The following MSRB3 variants were observed in gnomAD, a reference collection of about 807,000 sequenced individuals.
MSRB3 encodes the protein methionine-R-sulfoxide reductase B3.
MSRB3 carries 13 observed loss-of-function variants against 21.0 expected under a neutral mutation model. The ratio of observed to expected loss-of-function variants is 0.62; its 90% CI spans 0.40 to 0.98. The LOEUF (loss-of-function observed/expected upper bound fraction) is 0.98, where lower values mean the gene tolerates loss of function less well. Ranked by LOEUF, MSRB3 falls within the 50% of genes least tolerant of loss-of-function variation. The pLI, the probability that MSRB3 is intolerant of heterozygous loss-of-function variation, is 0.00. For missense variants in MSRB3, 199 were observed against 230.3 expected (o/e 0.86, Z 0.88); for synonymous variants, 87 against 88.6 (o/e 0.98, Z 0.10).
chr12:65,335,468 T>C (rs1263696000), intron 4 of MSRB3, among the ~76,000 whole-genome samples: 1 of 152,192 alleles, frequency 6.6e-6, no homozygotes, highest in Non-Finnish European at 1.5e-5. Flanking sequence ...TTTTCAGCTC[T>C]TTAAGAACAT....
At chr12:65,434,008 T>G (rs1245711609) in intron 5 of MSRB3, among the ~76,000 whole-genome samples, 1 of 151,940 alleles carries the variant, frequency 6.6e-6, no homozygotes, top group Non-Finnish European at 1.5e-5. Context: ...CACTTTGAGG[T>G]GCTTACTTTT....
intron 5 of MSRB3, among the ~76,000 whole-genome samples, chr12:65,436,689 T>A (rs1555213332): frequency 6.6e-6 from 1 of 151,936 alleles, no homozygotes; most frequent in Non-Finnish European, 1.5e-5. Flanking sequence ...TCATTAATCA[T>A]CTGGTAGAAT....
chr12:65,292,673 C>G (rs1394306254), intron 1 of MSRB3, among the ~76,000 whole-genome samples: 2 of 151,952 alleles, frequency 1.3e-5, no homozygotes, highest in African/African-American at 4.8e-5. Context: ...CTGTCCACAT[C>G]TACCGCTCAG....
chr12:65,342,622 C>A (rs1429476859), intron 4 of MSRB3, among the ~76,000 whole-genome samples: 1 of 151,896 alleles, frequency 6.6e-6, no homozygotes, highest in Non-Finnish European at 1.5e-5. Flanking sequence ...AATTACACTT[C>A]TAGGAACTTA....
intron 5 of MSRB3, among the ~76,000 whole-genome samples, chr12:65,390,967 T>C (rs1879452992): frequency 6.6e-6 from 1 of 152,134 alleles, no homozygotes. Context: ...AAGAATGGAG[T>C]AGGAATTTTT....
intron 4 of MSRB3, among the ~76,000 whole-genome samples, chr12:65,364,615 G>C (rs944746999): frequency 6.6e-6 from 1 of 151,940 alleles, no homozygotes; most frequent in Non-Finnish European, 1.5e-5. Context: ...TTCTTTTCTT[G>C]TGCAATCCTT....
chr12:65,423,367 G>C (rs563600984), intron 5 of MSRB3, among the ~76,000 whole-genome samples: 1 of 152,118 alleles, frequency 6.6e-6, no homozygotes, highest in Admixed American at 6.5e-5. Context: ...TAATTGCTCT[G>C]ACTGGGACTT....
intron 4 of MSRB3, among the ~76,000 whole-genome samples, chr12:65,350,347 G>T (rs1453051581): frequency 1.3e-5 from 2 of 151,906 alleles, no homozygotes; most frequent in Non-Finnish European, 2.9e-5. Flanking sequence ...GTAGTGTGAT[G>T]CCTCCAGCTT....
In MSRB3 at chr12:65,377,085, A is replaced by G. The variant is rs139138288; in HGVS notation, c.292+8059A>G. ...TATTTACCTTTTAATGCTCACCTCA[A>G]ACATTACTATATCAATTAAATGTAG... On this transcript the variant is annotated intron_variant, in intron 5 of 6. Transcript: ENST00000308259. 3.3e-3 allele frequency among the ~76,000 whole-genome samples: 506 copies of G among 152,210 alleles called. 5 individuals are homozygous for G. Among genetic ancestry groups the G allele is most frequent in the African/African-American group, 0.011 (469 of 41,510 alleles).
intron 6 of MSRB3, among the ~76,000 whole-genome samples, chr12:65,455,919 G>A (rs530270811): frequency 1.3e-5 from 2 of 152,086 alleles, no homozygotes; most frequent in East Asian, 3.9e-4. Context: ...TGTATTTTTG[G>A]TAGAGATAGG....
At chr12:65,335,318 A>C (rs1875693883) in intron 4 of MSRB3, among the ~76,000 whole-genome samples, 1 of 152,182 alleles carries the variant, frequency 6.6e-6, no homozygotes, top group Non-Finnish European at 1.5e-5. Context: ...TTAACAGTGG[A>C]TATTAGTGTG....
In MSRB3 at chr12:65,465,739, A is replaced by T. The variant is rs1463035131; in HGVS notation, c.*2417A>T. On this transcript the variant is annotated 3_prime_UTR_variant, in exon 7 of 7. Coordinates refer to ENST00000308259, the MANE Select transcript of MSRB3 (RefSeq NM_001031679.3). ...GTTCACTCTGGAATTCGTAGGCTTC[A>T]CGTCTCTCTAGAAATGACGTGTAAA... 6.6e-6 allele frequency: 1 copy of T among 152,200 alleles called. No homozygotes were observed. Among genetic ancestry groups the T allele is most frequent in the Non-Finnish European group, 1.5e-5 (1 of 68,040 alleles). The allele number at this position is 152,200 out of a possible 1,614,324, so 9.4% of individuals were successfully genotyped here.
At chr12:65,347,744 T>C (rs937169081) in intron 4 of MSRB3, among the ~76,000 whole-genome samples, 11 of 152,224 alleles carry the variant, frequency 7.2e-5, no homozygotes, top group Admixed American at 5.2e-4. Context: ...ACTCTTATTA[T>C]TTGCAGATAT....
chr12:65,278,796 C>T lies in MSRB3; in HGVS notation c.-121C>T, dbSNP rs560759816. 2 of 1,572,020 alleles carry T rather than the reference C, an allele frequency of 1.3e-6. No homozygotes were observed. Among genetic ancestry groups the T allele is most frequent in the South Asian group, 2.3e-5 (2 of 85,606 alleles). On this transcript the variant is annotated 5_prime_UTR_variant, in exon 1 of 7. Transcript: ENST00000308259. The stretch of plus-strand genomic sequence containing the variant: ...GAGCCCGCGGCGGACCCTCCCGCGC[C>T]CCCTCTCGCTCTGCCTCTCCCTCTG...
At chr12:65,352,004 C>G (rs913273417) in intron 4 of MSRB3, among the ~76,000 whole-genome samples, 1 of 151,964 alleles carries the variant, frequency 6.6e-6, no homozygotes, top group African/African-American at 2.4e-5. Context: ...GACAGAGACA[C>G]AACCAAAAAA....
At chr12:65,280,491 C>T (rs541585027) in intron 1 of MSRB3, among the ~76,000 whole-genome samples, 1 of 152,258 alleles carries the variant, frequency 6.6e-6, no homozygotes, top group East Asian at 1.9e-4. Context: ...AAACGGCCTT[C>T]GAAGACCAGA....
At chr12:65,450,766 T>C (rs7963025) in intron 5 of MSRB3, among the ~76,000 whole-genome samples, 57,921 of 152,060 alleles carry the variant, frequency 0.38, 11,477 homozygotes, top group Middle Eastern at 0.54. Context: ...CTCTGCCTAT[T>C]ACCCTTTGAA....
chr12:65,390,038 C>T (rs903125495), intron 5 of MSRB3, among the ~76,000 whole-genome samples: 5 of 152,072 alleles, frequency 3.3e-5, no homozygotes, highest in Admixed American at 2.6e-4. Context: ...CTTTTCTTTC[C>T]TGAAACTAAC....
chr12:65,294,418 T>G (rs1447181159), intron 1 of MSRB3, among the ~76,000 whole-genome samples: 1 of 152,196 alleles, frequency 6.6e-6, no homozygotes, highest in East Asian at 1.9e-4. Flanking sequence ...ATAGCAGCAG[T>G]TTTTCAAAGT....
Sources: allele counts gnomAD v4.1 joint callset (sites outside exome capture counted in the v4.1 genomes callset), GRCh38; gene constraint gnomAD v4.1.1; transcripts MANE v1.5; gene names NCBI Gene and HGNC (gene_info 2026-07-23, HGNC 2026-07-21).